Variants in GOLT1B observed in about 807,000 individuals in gnomAD.
GOLT1B encodes the protein golgi transport 1B.
Under a neutral mutation model 15.4 loss-of-function variants are expected in GOLT1B, and 3 were observed. The ratio of observed to expected loss-of-function variants is 0.19; its 90% CI spans 0.09 to 0.50. The LOEUF (loss-of-function observed/expected upper bound fraction) is 0.50. Ranked by LOEUF, GOLT1B falls within the 20% of genes least tolerant of loss-of-function variation. The pLI is 0.97. For synonymous variants in GOLT1B, 65 were observed against 56.2 expected (o/e 1.16, Z -0.70); for missense variants, 145 against 160.4 (o/e 0.90, Z 0.52).
Position 21,512,208 on chromosome 12 carries a change from C to T in GOLT1B, c.297-87C>T, listed in dbSNP as rs991862945. 2.2e-5 allele frequency: 16 copies of T among 740,438 alleles called. No individual in the cohort carries two copies. The Admixed American group carries it at 3.4e-4, about 16-fold the overall frequency. 45.9% of individuals were successfully genotyped at this position (740,438 alleles called of 1,614,324 possible). A position where few individuals can be genotyped will look rare whatever the true frequency, so the allele number is the denominator to read the frequency against. ...GACCCTCAATTATTCAGAATTTTAA[C>T]AGGATACTTTCTTTTTCCTTGGTTA... On this transcript the variant is annotated intron_variant, in intron 3 of 4. Transcript: ENST00000229314.
chr12:21,515,241 A>G (rs1190396752), intron 4 of GOLT1B: 2 of 1,455,504 alleles, frequency 1.4e-6, no homozygotes, highest in South Asian at 1.2e-5. Context: ...TCCAAAGACT[A>G]CATAGGCCCA....
intron 4 of GOLT1B, among the ~76,000 whole-genome samples, chr12:21,513,520 TAGAG>T (rs927903371): frequency 6.6e-6 from 1 of 152,066 alleles, no homozygotes; most frequent in African/African-American, 2.4e-5. Context: ...TGTTTTTTCT[TAGAG>T]AGAGTCTCAA....
At chr12:21,513,350 C>T (rs1307901254) in intron 4 of GOLT1B, among the ~76,000 whole-genome samples, 2 of 152,110 alleles carry the variant, frequency 1.3e-5, no homozygotes, top group East Asian at 3.9e-4. Flanking sequence ...GTTGTAACAT[C>T]TTTTGGTGGA....
chr12:21,509,996 G>A (rs377368658), intron 3 of GOLT1B, among the ~76,000 whole-genome samples: 6 of 152,250 alleles, frequency 3.9e-5, no homozygotes, highest in Admixed American at 2.6e-4. Context: ...GGAGAAGGTC[G>A]GGGGAGTGGG....
At chr12:21,509,271 C>T (rs1329400704) in intron 3 of GOLT1B, among the ~76,000 whole-genome samples, 3 of 151,540 alleles carry the variant, frequency 2.0e-5, no homozygotes, top group Non-Finnish European at 2.9e-5. Context: ...TGCTGGCAGG[C>T]GCCTGTAATC....
intron 3 of GOLT1B, 130 bp downstream of exon 3, chr12:21,508,691 T>C: frequency 1.6e-6 from 1 of 608,706 alleles, no homozygotes; most frequent in Non-Finnish European, 2.9e-6. Context: ...AGGTTGAATC[T>C]TATAGATTTA....
intron 3 of GOLT1B, among the ~76,000 whole-genome samples, chr12:21,511,623 C>G (rs1591762853): frequency 6.6e-6 from 1 of 152,132 alleles, no homozygotes; most frequent in African/African-American, 2.4e-5. Flanking sequence ...CATTAGTATA[C>G]AAAAAGACAT....
intron 4 of GOLT1B, chr12:21,515,324 G>GT (rs199678829): frequency 7.9e-5 from 67 of 843,870 alleles, no homozygotes; most frequent in Middle Eastern, 2.3e-4. Context: ...TGACATTTCA[G>GT]TTTTTTTTAT....
intron 3 of GOLT1B, among the ~76,000 whole-genome samples, chr12:21,510,607 T>G (rs1943712612): frequency 6.6e-6 from 1 of 152,208 alleles, no homozygotes; most frequent in African/African-American, 2.4e-5. Flanking sequence ...TTTCTAGATA[T>G]TTATAACCCT....
chr12:21,505,786 G>A (rs896131756), intron 1 of GOLT1B, among the ~76,000 whole-genome samples: 2 of 152,048 alleles, frequency 1.3e-5, no homozygotes, highest in Admixed American at 1.3e-4. Flanking sequence ...AAAATACGGT[G>A]GCTTCTACTC....
chr12:21,501,866 C>G lies in GOLT1B; in HGVS notation c.-58C>G, dbSNP rs1216324707. 3.9e-6 allele frequency: 5 copies of G among 1,276,862 alleles called. No homozygotes were observed. Among genetic ancestry groups the G allele is most frequent in the Non-Finnish European group, 5.7e-6 (5 of 874,392 alleles). The allele number at this position is 1,276,862 out of a possible 1,614,324, so 79.1% of individuals were successfully genotyped here. On this transcript the variant is annotated 5_prime_UTR_variant, in exon 1 of 5. Transcript: ENST00000229314. ...TTTCCCGGCTTCATTTCTCCCGACT[C>G]AGCTTCCCACCCTGGGCTTTCCGAG... is the stretch of plus-strand genomic sequence containing the variant.
intron 1 of GOLT1B, chr12:21,504,684 T>A (rs11046089): frequency 0.25 from 116,394 of 460,462 alleles, 15,482 homozygotes; most frequent in East Asian, 0.32. Context: ...GTTGCACATA[T>A]GAACCATAGG....
rs1267239107 is a variant in GOLT1B, at chr12:21,517,888, C to A, written c.*2181C>A. On this transcript the variant is annotated 3_prime_UTR_variant, in exon 5 of 5. Coordinates refer to ENST00000229314, the MANE Select transcript of GOLT1B (RefSeq NM_016072.5). ...TATACATCCTATTGTTTCTTTCTTT[C>A]CAAAATCAGCCTTCTGTCTGTAACA... 1 of 152,464 alleles carries A rather than the reference C, an allele frequency of 6.6e-6. No homozygotes were observed. The highest frequency in any genetic ancestry group is 1.9e-4 in the East Asian group (1 of 5,192). The allele number at this position is 152,464 out of a possible 1,614,324, so 9.4% of individuals were successfully genotyped here.
At chr12:21,514,534 A>C (rs534196371) in intron 4 of GOLT1B, among the ~76,000 whole-genome samples, 1 of 152,346 alleles carries the variant, frequency 6.6e-6, no homozygotes, top group Admixed American at 6.5e-5. Context: ...TTACCTTAAA[A>C]TTCTAATAAA....
At chr12:21,507,152 G>T (rs1257217644) in intron 2 of GOLT1B, 176 bp downstream of exon 2, 1 of 636,602 alleles carries the variant, frequency 1.6e-6, no homozygotes, top group South Asian at 1.6e-5. Flanking sequence ...TAAATAAAAG[G>T]TAAACACTTA....
chr12:21,508,646 AGAT>A, intron 3 of GOLT1B, 85 bp downstream of exon 3: 3 of 719,122 alleles, frequency 4.2e-6, no homozygotes, highest in Admixed American at 2.7e-5. Context: ...AGTTGGAGTA[AGAT>A]GATGATCATT....
Position 21,506,840 on chromosome 12 carries a change from G to A in GOLT1B, c.26-45G>A, listed in dbSNP as rs200629944. ...TCTTAGTTTACAGGGATGTTAATGT[G>A]ACTTTAATTTTTCTCTACCCTTAAC... On this transcript the variant is annotated intron_variant, in intron 1 of 4. Transcript: ENST00000229314. 1.7e-3 allele frequency: 1,398 copies of A among 814,832 alleles called. 5 individuals are homozygous for A. The highest frequency in any genetic ancestry group is 1.4e-3 in the Non-Finnish European group (683 of 488,510). The allele number at this position is 814,832 out of a possible 1,614,324, so 50.5% of individuals were successfully genotyped here.
chr12:21,507,192 G>C, intron 2 of GOLT1B: 1 of 540,494 alleles, frequency 1.9e-6, no homozygotes, highest in Non-Finnish European at 3.4e-6. Context: ...TAACTACTCT[G>C]TTAAGTGTTT....
In GOLT1B at chr12:21,506,870, T is replaced by C. The variant is rs1451297001; in HGVS notation, c.26-15T>C. ...TAATTTTTCTCTACCCTTAACCATA[T>C]ACCTTATATTGCAGAAATTGGAATG... On this transcript the variant is annotated splice_polypyrimidine_tract_variant and intron_variant, in intron 1 of 4. Transcript: ENST00000229314. The C allele has an allele frequency of 9.1e-7, 1 of 1,096,950 alleles. No individual in the cohort carries two copies. The highest frequency in any genetic ancestry group is 1.3e-5 in the South Asian group (1 of 75,666). 68.0% of individuals were successfully genotyped at this position (1,096,950 alleles called of 1,614,324 possible).
Sources: allele counts gnomAD v4.1 joint callset (sites outside exome capture counted in the v4.1 genomes callset), GRCh38; gene constraint gnomAD v4.1.1; transcripts MANE v1.5; gene names NCBI Gene and HGNC (gene_info 2026-07-23, HGNC 2026-07-21).